SLC24A3: variants seen among roughly 807,000 people sequenced by gnomAD.
SLC24A3 encodes solute carrier family 24 member 3, also known as sodium/potassium/calcium exchanger 3.
SLC24A3 carries 28 observed loss-of-function variants against 75.8 expected under a neutral mutation model. The observed-to-expected ratio is 0.37, with a 90% confidence interval of 0.27 to 0.51. The LOEUF (loss-of-function observed/expected upper bound fraction) is 0.51. Among genes scored for constraint, SLC24A3 ranks in the 20% least tolerant of loss-of-function variants. The probability of loss-of-function intolerance (pLI) is 0.94; values close to 1 mark genes in which losing one functional copy is unlikely to be tolerated. For synonymous variants in SLC24A3, 372 were observed against 334.1 expected, an observed-to-expected ratio of 1.11 and a Z score of -1.24; for missense variants, 663 against 847.8, an observed-to-expected ratio of 0.78 and a Z score of 2.71.
At chr20:19,298,338 G>A (rs956001518) in intron 2 of SLC24A3, among the ~76,000 whole-genome samples, 1 of 152,076 alleles carries the variant, frequency 6.6e-6, no homozygotes, top group Non-Finnish European at 1.5e-5. Flanking sequence ...TTGTTTCTTT[G>A]TGATTCTTTT....
chr20:19,705,569 A>C (rs1349615108), intron 15 of SLC24A3, among the ~76,000 whole-genome samples: 1 of 152,160 alleles, frequency 6.6e-6, no homozygotes, highest in East Asian at 1.9e-4. Context: ...CCAAAACGAC[A>C]CTCAAAAGCC....
At chr20:19,346,993 A>G (rs1005556059) in intron 2 of SLC24A3, among the ~76,000 whole-genome samples, 5 of 152,342 alleles carry the variant, frequency 3.3e-5, no homozygotes, top group East Asian at 1.9e-4. Flanking sequence ...AGATACATAA[A>G]TAAACTATGG....
At chr20:19,717,702 C>T (rs2033058642) in intron 16 of SLC24A3, 109 bp downstream of exon 16, 1 of 1,136,204 alleles carries the variant, frequency 8.8e-7, no homozygotes, top group Non-Finnish European at 1.3e-6. Flanking sequence ...TACAAGCAAC[C>T]TCCTTGTCCC....
intron 2 of SLC24A3, among the ~76,000 whole-genome samples, chr20:19,492,876 G>A (rs1247417643): frequency 6.6e-6 from 1 of 152,098 alleles, no homozygotes; most frequent in Non-Finnish European, 1.5e-5. Context: ...GCACCTTCCA[G>A]GCATCCTGTG....
chr20:19,433,874 C>A (rs1987149393), intron 2 of SLC24A3, among the ~76,000 whole-genome samples: 1 of 152,170 alleles, frequency 6.6e-6, no homozygotes, highest in Non-Finnish European at 1.5e-5. Flanking sequence ...GTTTTTGACA[C>A]CTGGCCCTGG....
intron 2 of SLC24A3, among the ~76,000 whole-genome samples, chr20:19,441,929 G>C (rs1419698438): frequency 2.6e-5 from 4 of 151,950 alleles, no homozygotes; most frequent in African/African-American, 7.3e-5. Flanking sequence ...ATTTCTTCCA[G>C]AATGTCACAT....
At chr20:19,261,145 T>G (rs1982974787) in intron 1 of SLC24A3, among the ~76,000 whole-genome samples, 1 of 152,176 alleles carries the variant, frequency 6.6e-6, no homozygotes, top group East Asian at 1.9e-4. Context: ...AGGAATCCCC[T>G]TGGAAAGATG....
chr20:19,654,027 A>G (rs777434468), intron 6 of SLC24A3, 35 bp from the exon 7 acceptor site: 9 of 1,566,920 alleles, frequency 5.7e-6, no homozygotes, highest in South Asian at 3.3e-5. Context: ...TGTACAGTCT[A>G]TATCCTGTTT....
intron 2 of SLC24A3, among the ~76,000 whole-genome samples, chr20:19,326,577 C>CTT (rs57226310): frequency 2.3e-4 from 32 of 138,960 alleles, no homozygotes; most frequent in East Asian, 8.5e-4. Flanking sequence ...CTTTTCTTTT[C>CTT]TTTTTTTTTT....
At chr20:19,596,271 G>A (rs1357483299) in intron 6 of SLC24A3, among the ~76,000 whole-genome samples, 1 of 152,218 alleles carries the variant, frequency 6.6e-6, no homozygotes, top group African/African-American at 2.4e-5. Flanking sequence ...AAGATAAGAA[G>A]TGGTTGCTGT....
At chr20:19,443,485 G>A (rs1177586247) in intron 2 of SLC24A3, among the ~76,000 whole-genome samples, 4 of 152,040 alleles carry the variant, frequency 2.6e-5, no homozygotes, top group African/African-American at 9.7e-5. Flanking sequence ...CTCATTGCTG[G>A]TAGTAGGAAA....
At chr20:19,588,418 TTAAAG>T (rs1278536142) in intron 6 of SLC24A3, among the ~76,000 whole-genome samples, 2 of 152,226 alleles carry the variant, frequency 1.3e-5, no homozygotes, top group African/African-American at 4.8e-5. Context: ...CCATCTGAAA[TTAAAG>T]TAATTAAGCT....
intron 6 of SLC24A3, among the ~76,000 whole-genome samples, chr20:19,623,540 GTA>G (rs1428177565): frequency 6.6e-6 from 1 of 152,044 alleles, no homozygotes; most frequent in Non-Finnish European, 1.5e-5. Context: ...GTCCAGAATG[GTA>G]ACCACTAGCC....
At chr20:19,681,030 CTG>C (rs1568696124) in intron 9 of SLC24A3, among the ~76,000 whole-genome samples, 2 of 152,180 alleles carry the variant, frequency 1.3e-5, no homozygotes, top group Non-Finnish European at 2.9e-5. Context: ...GACATGGAAA[CTG>C]TGCCTGGCTG....
At chr20:19,233,685 A>G (rs1281833476) in intron 1 of SLC24A3, among the ~76,000 whole-genome samples, 5 of 152,246 alleles carry the variant, frequency 3.3e-5, no homozygotes, top group Non-Finnish European at 7.3e-5. Context: ...GAAGGACGGT[A>G]TAACTTCATG....
intron 2 of SLC24A3, among the ~76,000 whole-genome samples, chr20:19,329,828 C>T (rs1401419235): frequency 2.0e-5 from 3 of 152,156 alleles, no homozygotes; most frequent in African/African-American, 7.2e-5. Context: ...ACTTAATACA[C>T]AGTGAGTGCT....
intron 1 of SLC24A3, among the ~76,000 whole-genome samples, chr20:19,214,148 G>A (rs1279599919): frequency 6.6e-6 from 1 of 152,106 alleles, no homozygotes; most frequent in African/African-American, 2.4e-5. Context: ...AGTGAAACAG[G>A]CGTCAGTCTT....
chr20:19,240,101 G>C (rs897969948), intron 1 of SLC24A3, among the ~76,000 whole-genome samples: 3 of 152,180 alleles, frequency 2.0e-5, no homozygotes, highest in African/African-American at 4.8e-5. Flanking sequence ...GGAAAATTCT[G>C]TTGACCAGTA....
intron 13 of SLC24A3, 192 bp from the exon 14 acceptor site, chr20:19,696,605 C>G: frequency 2.1e-6 from 1 of 482,728 alleles, no homozygotes; most frequent in Non-Finnish European, 3.7e-6. Flanking sequence ...ATTACAGCAC[C>G]GTCCCCTGAC....
Sources: allele counts gnomAD v4.1 joint callset (sites outside exome capture counted in the v4.1 genomes callset), GRCh38; gene constraint gnomAD v4.1.1; transcripts MANE v1.5; gene names NCBI Gene and HGNC (gene_info 2026-07-23, HGNC 2026-07-21).